The following CFTR variants were observed in gnomAD, a reference collection of about 807,000 sequenced individuals.
CFTR encodes the protein cystic fibrosis transmembrane conductance regulator.
In CFTR, 181 loss-of-function variants were observed where a neutral mutation model predicts 171.6. The ratio of observed to expected loss-of-function variants is 1.05; its 90% CI spans 0.93 to 1.19. The LOEUF (loss-of-function observed/expected upper bound fraction) is 1.19, where lower values mean the gene tolerates loss of function less well. CFTR is among the 50% of genes most tolerant of loss of function. The pLI is 0.00. For missense variants in CFTR, 1,968 were observed against 1,734.7 expected, an observed-to-expected ratio of 1.13 and a Z score of -2.39; for synonymous variants, 583 against 608.0, an observed-to-expected ratio of 0.96 and a Z score of 0.60.
intron 10 of CFTR, 107 bp downstream of exon 10, chr7:117,548,930 G>A: frequency 6.8e-7 from 1 of 1,463,848 alleles, no homozygotes; most frequent in Non-Finnish European, 9.3e-7. Flanking sequence ...TCTTACATGA[G>A]CATTAGGAGA....
intron 20 of CFTR, among the ~76,000 whole-genome samples, chr7:117,613,175 A>G (rs1792431679): frequency 6.6e-6 from 1 of 152,236 alleles, no homozygotes; most frequent in Non-Finnish European, 1.5e-5. Context: ...TTATTTGAAA[A>G]TAAGATCAAA....
At chr7:117,552,230 T>C (rs1286184028) in intron 10 of CFTR, among the ~76,000 whole-genome samples, 1 of 152,054 alleles carries the variant, frequency 6.6e-6, no homozygotes, top group Non-Finnish European at 1.5e-5. Flanking sequence ...CTGGGCTCAA[T>C]TGACCTTTCC....
intron 7 of CFTR, among the ~76,000 whole-genome samples, chr7:117,537,749 C>T (rs1272072535): frequency 6.6e-6 from 1 of 152,172 alleles, no homozygotes; most frequent in East Asian, 1.9e-4. Context: ...CAAGATAAAT[C>T]CAGGAAAGGA....
At chr7:117,628,736 T>C (rs114784274) in intron 22 of CFTR, among the ~76,000 whole-genome samples, 138 of 152,246 alleles carry the variant, frequency 9.1e-4, no homozygotes, top group African/African-American at 3.3e-3. Context: ...ATTTAATGCA[T>C]TGTACAAATT....
intron 5 of CFTR, among the ~76,000 whole-genome samples, chr7:117,534,569 C>T (rs1798917791): frequency 6.6e-6 from 1 of 152,136 alleles, no homozygotes; most frequent in African/African-American, 2.4e-5. Context: ...CTCAAAGGCA[C>T]CTTAGCCTGT....
At chr7:117,664,542 A>G (rs980825461) in intron 24 of CFTR, 146 bp from the exon 25 acceptor site, 9 of 738,886 alleles carry the variant, frequency 1.2e-5, no homozygotes, top group Non-Finnish European at 2.1e-5. Context: ...CTTTTGCTCA[A>G]TCAATTCAAA....
In CFTR at chr7:117,480,154, A is replaced by T; in HGVS notation, c.53+7A>T. On this transcript the variant is annotated splice_region_variant and intron_variant, in intron 1 of 26. Transcript: ENST00000003084. ...TCTCCAAACTTTTTTTCAGGTGAGAAGGTGGCCAACCGAGCTTCGGAAAGA... is the reference window on the plus strand; with the variant it reads ...TCTCCAAACTTTTTTTCAGGTGAGATGGTGGCCAACCGAGCTTCGGAAAGA... 6.2e-7 allele frequency: 1 copy of T among 1,613,792 alleles called. No homozygotes were observed. The highest frequency in any genetic ancestry group is 1.1e-5 in the South Asian group (1 of 91,074).
At chr7:117,568,588 T>A (rs970428942) in intron 11 of CFTR, among the ~76,000 whole-genome samples, 3 of 152,210 alleles carry the variant, frequency 2.0e-5, no homozygotes, top group East Asian at 1.9e-4. Context: ...CATTTATTTT[T>A]AAATATTTTT....
At chr7:117,570,191 C>G (rs1032149353) in intron 11 of CFTR, among the ~76,000 whole-genome samples, 59 of 140,722 alleles carry the variant, frequency 4.2e-4, no homozygotes, top group Non-Finnish European at 7.9e-4. Context: ...CATCTCCTTA[C>G]TTAAAAAAAA....
chr7:117,638,180 T>C (rs568327524), intron 22 of CFTR, among the ~76,000 whole-genome samples: 1 of 152,196 alleles, frequency 6.6e-6, no homozygotes, highest in African/African-American at 2.4e-5. Context: ...GTCTCCCATT[T>C]TGGGGGGCAG....
At chr7:117,565,897 T>G (rs1303505162) in intron 11 of CFTR, among the ~76,000 whole-genome samples, 1 of 152,116 alleles carries the variant, frequency 6.6e-6, no homozygotes, top group Non-Finnish European at 1.5e-5. Context: ...AATGAGTTAA[T>G]GACTGTTCTG....
rs751439798 is a variant in CFTR, at chr7:117,578,288, G to A, written c.1585-9451G>A. Among the ~76,000 whole-genome samples the A allele has an allele frequency of 2.0e-5, 3 of 151,906 alleles. No homozygotes were observed. Among genetic ancestry groups the A allele is most frequent in the Non-Finnish European group, 2.9e-5 (2 of 67,978 alleles). On this transcript the variant is annotated intron_variant, in intron 11 of 26. Transcript: ENST00000003084. ...TCAACATGAAAACTATGAGGACGAA[G>A]ACCTTTATGAAGATTCACCTCCACT...
chr7:117,559,842 G>A (rs981767020), intron 11 of CFTR, among the ~76,000 whole-genome samples, 187 bp downstream of exon 11: 1 of 151,972 alleles, frequency 6.6e-6, no homozygotes, highest in African/African-American at 2.4e-5. Flanking sequence ...GCAAACACAT[G>A]AAATAAATGC....
rs1323822065 is a variant in CFTR at position 117,501,787 on chromosome 7, A to C, written c.54-2466A>C. On this transcript the variant is annotated intron_variant, in intron 1 of 26. Coordinates refer to ENST00000003084, the MANE Select transcript of CFTR (RefSeq NM_000492.4). Reference sequence around the variant, plus strand: ...AAAAAAAAAAGAAACAAAAAAAAAAAAAAAACAAAAAGCAAACAAACAAAA... The same window carrying C: ...AAAAAAAAAAGAAACAAAAAAAAAACAAAAACAAAAAGCAAACAAACAAAA... 2.2e-4 allele frequency among the ~76,000 whole-genome samples: 29 copies of C among 134,596 alleles called. 1 individual carries two copies. The South Asian group carries it at 2.9e-3, about 13-fold the overall frequency. The allele number at this position is 134,596 out of a possible 152,430, so 88.3% of individuals were successfully genotyped here.
intron 24 of CFTR, among the ~76,000 whole-genome samples, chr7:117,657,094 A>G (rs1793195833): frequency 6.6e-6 from 1 of 152,202 alleles, no homozygotes; most frequent in Non-Finnish European, 1.5e-5. Context: ...CACTATAGGA[A>G]CACAATGCAA....
intron 11 of CFTR, among the ~76,000 whole-genome samples, chr7:117,563,003 G>T (rs915836449): frequency 6.6e-6 from 1 of 152,152 alleles, no homozygotes; most frequent in Non-Finnish European, 1.5e-5. Flanking sequence ...GAATTTGGTT[G>T]TGGAGAGCTT....
Position 117,627,751 on chromosome 7 carries a change from C to T in CFTR, c.3698C>T (p.Ser1233Leu). Reference sequence around the variant, plus strand: ...GCCATATTAGAGAACATTTCCTTCTCAATAAGTCCTGGCCAGAGGGTGAGA... The same window carrying T: ...GCCATATTAGAGAACATTTCCTTCTTAATAAGTCCTGGCCAGAGGGTGAGA... Reference protein sequence around the residue: ...GNAILENISFSISPGQRVGLL... With the variant: ...GNAILENISFLISPGQRVGLL... Residue 1233 changes from serine (S) to leucine (L), a missense_variant, in exon 22 of 27, where the codon TCA becomes TTA. Coordinates refer to ENST00000003084, the MANE Select transcript of CFTR (RefSeq NM_000492.4). The T allele has an allele frequency of 6.2e-7, 1 of 1,612,106 alleles. No homozygotes were observed. The highest frequency in any genetic ancestry group is 8.5e-7 in the Non-Finnish European group (1 of 1,179,398).
chr7:117,605,503 C>A (rs1471758380), intron 17 of CFTR, among the ~76,000 whole-genome samples: 1 of 152,016 alleles, frequency 6.6e-6, no homozygotes, highest in Non-Finnish European at 1.5e-5. Context: ...TTATAAGTTC[C>A]TGTGATATAA....
chr7:117,627,811 G>A, intron 22 of CFTR, 41 bp downstream of exon 22: 2 of 1,597,832 alleles, frequency 1.3e-6, no homozygotes, highest in Non-Finnish European at 1.7e-6. Context: ...ACTGTGTTCA[G>A]TAAGTGAATC....
Sources: allele counts gnomAD v4.1 joint callset (sites outside exome capture counted in the v4.1 genomes callset), GRCh38; gene constraint gnomAD v4.1.1; transcripts MANE v1.5; gene names NCBI Gene and HGNC (gene_info 2026-07-23, HGNC 2026-07-21).